The following RPS6KC1 variants were observed in gnomAD, a reference collection of about 807,000 sequenced individuals.
RPS6KC1 encodes the protein inactive ribosomal protein S6 kinase delta-1.
A neutral mutation model predicts 103.8 loss-of-function variants in RPS6KC1; 54 were observed. The observed-to-expected ratio is 0.52, with a 90% CI of 0.42 to 0.65. RPS6KC1 has a LOEUF of 0.65. RPS6KC1 is among the 30% of genes least tolerant of loss of function. The probability of loss-of-function intolerance (pLI) is 0.00; values close to 1 mark genes in which losing one functional copy is unlikely to be tolerated. For synonymous variants in RPS6KC1, 439 were observed against 438.7 expected (o/e 1.00, Z -0.01); for missense variants, 1,151 against 1,253.8 (o/e 0.92, Z 1.24).
At chr1:213,625,624 C>T in the RPS6KC1 span, among the ~76,000 whole-genome samples, 1 of 152,194 alleles carries the variant, frequency 6.6e-6, no homozygotes, top group Admixed American at 6.5e-5. Flanking sequence ...GTTCCCCTTC[C>T]TGTGTCCATG....
At chr1:213,286,235 A>G in the RPS6KC1 span, among the ~76,000 whole-genome samples, 2 of 152,334 alleles carry the variant, frequency 1.3e-5, no homozygotes, top group Non-Finnish European at 2.9e-5. Flanking sequence ...GCCCTTAGAA[A>G]CAGTGTCCAA....
chr1:213,327,266 A>AAGAAAGAG, the RPS6KC1 span, among the ~76,000 whole-genome samples: 1 of 151,630 alleles, frequency 6.6e-6, no homozygotes, highest in South Asian at 2.1e-4. Flanking sequence ...GAAAGAAAGA[A>AAGAAAGAG]GCTCTATTTT....
At chr1:213,727,379 G>A in the RPS6KC1 span, among the ~76,000 whole-genome samples, 3 of 152,124 alleles carry the variant, frequency 2.0e-5, no homozygotes, top group Admixed American at 6.6e-5. Flanking sequence ...AGTCATCAGA[G>A]GTAAGGAAGA....
intron 8 of RPS6KC1, among the ~76,000 whole-genome samples, chr1:213,200,734 G>A (rs1353135188): frequency 6.6e-6 from 1 of 152,038 alleles, no homozygotes; most frequent in African/African-American, 2.4e-5. Context: ...ATCCAACGAA[G>A]GTCTAATATC....
the RPS6KC1 span, among the ~76,000 whole-genome samples, chr1:213,647,178 T>G: frequency 6.6e-6 from 1 of 152,280 alleles, no homozygotes; most frequent in South Asian, 2.1e-4. Flanking sequence ...CCCATAGTGC[T>G]GTGATTACAG....
the RPS6KC1 span, among the ~76,000 whole-genome samples, chr1:213,833,251 C>T: frequency 3.3e-5 from 5 of 152,274 alleles, no homozygotes; most frequent in South Asian, 4.1e-4. Context: ...TTCATGGCCA[C>T]GGTCTTGAAA....
the RPS6KC1 span, among the ~76,000 whole-genome samples, chr1:213,450,994 T>C: frequency 6.6e-6 from 1 of 152,148 alleles, no homozygotes; most frequent in East Asian, 1.9e-4. Context: ...GAAAGAAATA[T>C]TTGTTGGTTA....
the RPS6KC1 span, among the ~76,000 whole-genome samples, chr1:213,556,274 G>A: frequency 6.6e-6 from 1 of 152,156 alleles, no homozygotes; most frequent in East Asian, 1.9e-4. Flanking sequence ...ATCAAAAAAG[G>A]TGGAGAAACA....
chr1:213,233,253 G>T (rs192758043), intron 10 of RPS6KC1, among the ~76,000 whole-genome samples: 290 of 152,176 alleles, frequency 1.9e-3, no homozygotes, highest in South Asian at 3.7e-3. Flanking sequence ...ATTCAAAAGG[G>T]GCTCTGTGGT....
At chr1:213,467,398 A>G in the RPS6KC1 span, among the ~76,000 whole-genome samples, 1 of 152,224 alleles carries the variant, frequency 6.6e-6, no homozygotes, top group Non-Finnish European at 1.5e-5. Flanking sequence ...AGGCACCTGA[A>G]TTCTCAAATG....
At chr1:213,854,548 CTT>C in the RPS6KC1 span, among the ~76,000 whole-genome samples, 195 of 108,040 alleles carry the variant, frequency 1.8e-3, no homozygotes, top group African/African-American at 7.7e-3. Context: ...TTCTTTCTTT[CTT>C]TCTTTCTTTC....
At chr1:213,538,770 G>A in the RPS6KC1 span, among the ~76,000 whole-genome samples, 26 of 152,240 alleles carry the variant, frequency 1.7e-4, no homozygotes, top group African/African-American at 6.0e-4. Context: ...ATTTTACTGG[G>A]GGAGATAGAT....
the RPS6KC1 span, among the ~76,000 whole-genome samples, chr1:213,776,400 A>G: frequency 6.6e-6 from 1 of 152,066 alleles, no homozygotes; most frequent in East Asian, 1.9e-4. Flanking sequence ...CATGAAGACA[A>G]CAATCATCTC....
chr1:213,697,802 C>T, the RPS6KC1 span, among the ~76,000 whole-genome samples: 3 of 152,164 alleles, frequency 2.0e-5, no homozygotes, highest in African/African-American at 4.8e-5. Flanking sequence ...TCTTCCCTGC[C>T]ACCCATTTTT....
the RPS6KC1 span, among the ~76,000 whole-genome samples, chr1:213,548,546 A>C: frequency 6.6e-6 from 1 of 152,336 alleles, no homozygotes; most frequent in East Asian, 1.9e-4. Flanking sequence ...CTGTAGTCCC[A>C]GATACTTAGG....
the RPS6KC1 span, among the ~76,000 whole-genome samples, chr1:213,489,709 A>G: frequency 2.0e-5 from 3 of 152,196 alleles, no homozygotes; most frequent in African/African-American, 7.2e-5. Context: ...AGACTAGGTG[A>G]TGTGGCTGAA....
chr1:213,707,298 A>G, the RPS6KC1 span, among the ~76,000 whole-genome samples: 1 of 151,976 alleles, frequency 6.6e-6, no homozygotes. Flanking sequence ...TCTAATGAAC[A>G]GTGATGATGA....
chr1:213,367,120 G>C, the RPS6KC1 span, among the ~76,000 whole-genome samples: 2 of 152,154 alleles, frequency 1.3e-5, no homozygotes, highest in Non-Finnish European at 2.9e-5. Flanking sequence ...CCTCCTAAAT[G>C]GTATATCCAC....
chr1:213,291,141 G>A, the RPS6KC1 span, among the ~76,000 whole-genome samples: 1 of 152,294 alleles, frequency 6.6e-6, no homozygotes, highest in African/African-American at 2.4e-5. Context: ...AGTATACACT[G>A]AAAAGGTACT....
Sources: gnomAD v4.1 joint callset for allele counts (sites outside exome capture counted in the v4.1 genomes callset) on GRCh38, gnomAD v4.1.1 for gene constraint, MANE v1.5 for transcripts, NCBI Gene and HGNC (gene_info 2026-07-23, HGNC 2026-07-21) for gene names.